Variants in DLC1 observed in about 807,000 individuals in gnomAD.
The protein encoded by DLC1 is DLC1 Rho GTPase activating protein.
Under a neutral mutation model 140.3 loss-of-function variants are expected in DLC1, and 54 were observed. That is an observed-to-expected ratio of 0.38 (90% CI 0.31 to 0.48). The LOEUF (loss-of-function observed/expected upper bound fraction) is 0.48, where lower values mean the gene tolerates loss of function less well. DLC1 is among the 20% of genes least tolerant of loss of function. DLC1 has a pLI of 0.96. For synonymous variants in DLC1, 986 were observed against 728.1 expected (o/e 1.35, Z -5.70); for missense variants, 2,536 against 1,907.0 (o/e 1.33, Z -6.14).
intron 1 of DLC1, among the ~76,000 whole-genome samples, chr8:13,504,930 C>T (rs571900227): frequency 6.6e-4 from 100 of 152,096 alleles, no homozygotes; most frequent in Non-Finnish European, 1.2e-3. Context: ...GTAGCAAGTC[C>T]AGTGGTCAAT....
Position 13,393,833 on chromosome 8 carries a change from A to C in DLC1, c.1174-140T>G, listed in dbSNP as rs114440494. The C allele has an allele frequency of 2.6e-3, 2,453 of 954,016 alleles. 42 individuals carry two copies. In the African/African-American group the frequency reaches 0.035, roughly 14 times the overall value. The allele number at this position is 954,016 out of a possible 1,614,324, so 59.1% of individuals were successfully genotyped here. A position where few individuals can be genotyped will look rare whatever the true frequency, so the allele number is the denominator to read the frequency against. ...AAAGAGTTGCTGACAACTGACAGTG[A>C]CGTGTCACACATAATCATGCATTAT... On this transcript the variant is annotated intron_variant, in intron 3 of 17. Transcript: ENST00000276297.
At chr8:13,598,172 A>G (rs2117491050) in intron 1 of DLC1, among the ~76,000 whole-genome samples, 2 of 152,280 alleles carry the variant, frequency 1.3e-5, no homozygotes, top group South Asian at 4.1e-4. Flanking sequence ...TAAAGTAAAA[A>G]AGATTTTTGA....
intron 5 of DLC1, among the ~76,000 whole-genome samples, chr8:13,199,823 C>G (rs898506183): frequency 1.3e-5 from 2 of 152,224 alleles, no homozygotes; most frequent in Non-Finnish European, 1.5e-5. Flanking sequence ...TCTGTCTACT[C>G]CACAGCATGG....
chr8:13,093,068 T>A (rs1818215127), intron 12 of DLC1, among the ~76,000 whole-genome samples: 1 of 151,954 alleles, frequency 6.6e-6, no homozygotes, highest in African/African-American at 2.4e-5. Flanking sequence ...ACCCAAACAC[T>A]CTTAAATCCA....
At chr8:13,105,396 G>C (rs1454401818) in intron 7 of DLC1, among the ~76,000 whole-genome samples, 52 of 152,082 alleles carry the variant, frequency 3.4e-4, no homozygotes. Flanking sequence ...CCTACTGCGG[G>C]CCAGGCACTA....
intron 5 of DLC1, among the ~76,000 whole-genome samples, chr8:13,275,897 C>A (rs933374359): frequency 6.6e-6 from 1 of 152,174 alleles, no homozygotes; most frequent in Admixed American, 6.5e-5. Context: ...TGACCCGAGA[C>A]AGCCCCGAGG....
intron 1 of DLC1, among the ~76,000 whole-genome samples, chr8:13,506,159 G>A (rs1206667047): frequency 6.6e-6 from 1 of 151,644 alleles, no homozygotes; most frequent in Admixed American, 6.6e-5. Flanking sequence ...ATATATATGT[G>A]TGTATACACA....
In DLC1 at chr8:13,329,502, A is replaced by G. The variant is rs576265117; in HGVS notation, c.1315-24200T>C. Reference sequence around the variant, plus strand: ...AATCTATATATGGTAAATTCTATCAATAGCTACCTCCTTCCCATCACAACT... The same window carrying G: ...AATCTATATATGGTAAATTCTATCAGTAGCTACCTCCTTCCCATCACAACT... On this transcript the variant is annotated intron_variant, in intron 4 of 17. Transcript: ENST00000276297. Among the ~76,000 whole-genome samples, 3 of 152,294 alleles carry G rather than the reference A, an allele frequency of 2.0e-5. No homozygotes were observed. In the East Asian group the frequency reaches 5.8e-4, roughly 29 times the overall value.
intron 5 of DLC1, among the ~76,000 whole-genome samples, chr8:13,245,195 C>G (rs1240938547): frequency 1.3e-5 from 2 of 152,168 alleles, no homozygotes; most frequent in East Asian, 3.9e-4. Context: ...GAAGCCCAGG[C>G]TATAGGAAGA....
chr8:13,471,820 A>G (rs918732968), intron 2 of DLC1, among the ~76,000 whole-genome samples: 1 of 152,002 alleles, frequency 6.6e-6, no homozygotes, highest in Admixed American at 6.6e-5. Context: ...ATCCTATCTC[A>G]CTCCCTTCCA....
intron 4 of DLC1, chr8:13,338,891 A>G (rs899246672): frequency 2.0e-5 from 3 of 152,236 alleles, no homozygotes; most frequent in Non-Finnish European, 4.4e-5. Context: ...TGTCAGAAAC[A>G]TCGATAATTT....
chr8:13,232,740 A>G (rs1198360022), intron 5 of DLC1, among the ~76,000 whole-genome samples: 3 of 152,206 alleles, frequency 2.0e-5, no homozygotes, highest in Non-Finnish European at 4.4e-5. Context: ...CAAGAGACTG[A>G]TGTTTACTTC....
At chr8:13,201,914 C>A (rs1827401141) in intron 5 of DLC1, among the ~76,000 whole-genome samples, 1 of 147,484 alleles carries the variant, frequency 6.8e-6, no homozygotes, top group South Asian at 2.2e-4. Flanking sequence ...AGTCTAGTAC[C>A]CAAAAGGTTT....
chr8:13,407,785 A>C (rs1226998637), intron 2 of DLC1, among the ~76,000 whole-genome samples: 1 of 151,970 alleles, frequency 6.6e-6, no homozygotes, highest in Non-Finnish European at 1.5e-5. Flanking sequence ...GACTGCTAAT[A>C]CTCCTCACTC....
At chr8:13,522,310 G>T (rs981198941) in intron 1 of DLC1, among the ~76,000 whole-genome samples, 1 of 152,076 alleles carries the variant, frequency 6.6e-6, no homozygotes, top group African/African-American at 2.4e-5. Flanking sequence ...CTTAAATGGG[G>T]GGTACGGAAT....
At chr8:13,395,957 T>C (rs1408480843) in intron 3 of DLC1, among the ~76,000 whole-genome samples, 1 of 152,138 alleles carries the variant, frequency 6.6e-6, no homozygotes, top group Non-Finnish European at 1.5e-5. Flanking sequence ...TAGCAGATAA[T>C]TTATAAACAT....
rs537691862 is a variant in DLC1, at chr8:13,103,600, A to G, written c.1503-747T>C. ...ATGCCTGTAATCCCAGCACTTTGGG[A>G]GGCCGAGGCAGGCAGATCACCTGAA... is the stretch of plus-strand genomic sequence containing the variant. On this transcript the variant is annotated intron_variant, in intron 7 of 17. Coordinates refer to ENST00000276297, the MANE Select transcript of DLC1 (RefSeq NM_182643.3). Among the ~76,000 whole-genome samples, 1,305 of 152,108 alleles carry G rather than the reference A, an allele frequency of 8.6e-3. 11 individuals are homozygous for G. The highest frequency in any genetic ancestry group is 0.015 in the Non-Finnish European group (1,028 of 67,976).
intron 4 of DLC1, among the ~76,000 whole-genome samples, chr8:13,366,390 G>C (rs892572133): frequency 6.6e-6 from 1 of 152,180 alleles, no homozygotes; most frequent in Admixed American, 6.5e-5. Context: ...ATGGCCCCAT[G>C]AAACTTGCAG....
intron 2 of DLC1, among the ~76,000 whole-genome samples, chr8:13,453,550 ATATATATTT>A (rs1425556733): frequency 0.015 from 692 of 45,988 alleles, 33 homozygotes; most frequent in Admixed American, 0.017. Flanking sequence ...ATATATATAT[ATATATATTT>A]TTTTTTTTTT....
Sources: gnomAD v4.1 joint callset for allele counts (sites outside exome capture counted in the v4.1 genomes callset) on GRCh38, gnomAD v4.1.1 for gene constraint, MANE v1.5 for transcripts, NCBI Gene and HGNC (gene_info 2026-07-23, HGNC 2026-07-21) for gene names.